The following SYNPR variants were observed in gnomAD, a reference collection of about 807,000 sequenced individuals.
SYNPR encodes the protein synaptoporin.
SYNPR carries 23 observed loss-of-function variants against 32.9 expected under a neutral mutation model. The ratio of observed to expected loss-of-function variants is 0.70; its 90% CI spans 0.50 to 0.99. The LOEUF is 0.99. Ranked by LOEUF, SYNPR falls within the 50% of genes least tolerant of loss-of-function variation. The pLI, the probability that SYNPR is intolerant of heterozygous loss-of-function variation, is 0.00. For missense variants in SYNPR, 318 were observed against 349.3 expected, an observed-to-expected ratio of 0.91 and a Z score of 0.71; for synonymous variants, 146 against 135.9, an observed-to-expected ratio of 1.07 and a Z score of -0.52.
In SYNPR at chr3:63,278,519, G is replaced by C. The variant is rs759656882; in HGVS notation, c.-15G>C. The C allele has an allele frequency of 1.2e-5, 19 of 1,547,662 alleles. No individual in the cohort carries two copies. The East Asian group carries it at 3.4e-4, about 28-fold the overall frequency. ...AAAAGAACTGGTGGATGAGAAGAGC[G>C]AGCGAGGGCGAGCTATGGACCCTGT... On this transcript the variant is annotated 5_prime_UTR_variant, in exon 1 of 6. Coordinates refer to ENST00000478300, the MANE Select transcript of SYNPR (RefSeq NM_001130003.2).
At chr3:63,522,474 A>G (rs1701935203) in intron 3 of SYNPR, among the ~76,000 whole-genome samples, 1 of 152,252 alleles carries the variant, frequency 6.6e-6, no homozygotes, top group Admixed American at 6.5e-5. Context: ...AGCAAAGCCA[A>G]TGAAACTACA....
intron 1 of SYNPR, among the ~76,000 whole-genome samples, chr3:63,239,423 G>T (rs1296094575): frequency 6.7e-6 from 1 of 150,322 alleles, no homozygotes; most frequent in East Asian, 2.1e-4. Context: ...TCCTACCATT[G>T]CCCAGTGTGT....
chr3:63,441,735 TG>T, intron 2 of SYNPR, among the ~76,000 whole-genome samples: 1 of 152,264 alleles, frequency 6.6e-6, no homozygotes, highest in South Asian at 2.1e-4. Flanking sequence ...AAAGGGGCCA[TG>T]GGGCATGTAC....
intron 2 of SYNPR, among the ~76,000 whole-genome samples, chr3:63,301,207 C>T (rs1313549202): frequency 1.3e-5 from 2 of 152,056 alleles, no homozygotes; most frequent in South Asian, 2.1e-4. Context: ...GTAGTATTAC[C>T]GTTATAAGTT....
At chr3:63,372,005 C>T (rs980377239) in intron 2 of SYNPR, among the ~76,000 whole-genome samples, 2 of 152,224 alleles carry the variant, frequency 1.3e-5, no homozygotes, top group Admixed American at 1.3e-4. Flanking sequence ...CACTCTTCAC[C>T]AGACTGAGCC....
intron 3 of SYNPR, among the ~76,000 whole-genome samples, chr3:63,533,474 T>C (rs1053793044): frequency 6.6e-6 from 1 of 152,142 alleles, no homozygotes; most frequent in Non-Finnish European, 1.5e-5. Flanking sequence ...TTCTGAGAAT[T>C]ATCAGGGATA....
intron 3 of SYNPR, among the ~76,000 whole-genome samples, chr3:63,513,259 C>T (rs1246352094): frequency 6.6e-6 from 1 of 150,460 alleles, no homozygotes; most frequent in Non-Finnish European, 1.5e-5. Flanking sequence ...CTGTGTTGCC[C>T]AGGCTGGTCT....
At chr3:63,568,841 AT>A (rs1445189368) in intron 4 of SYNPR, among the ~76,000 whole-genome samples, 1 of 152,176 alleles carries the variant, frequency 6.6e-6, no homozygotes, top group East Asian at 1.9e-4. Flanking sequence ...GAATTTCCTC[AT>A]GTGATTGCTG....
intron 1 of SYNPR, among the ~76,000 whole-genome samples, chr3:63,239,940 G>C (rs955416652): frequency 6.6e-6 from 1 of 152,062 alleles, no homozygotes; most frequent in African/African-American, 2.4e-5. Flanking sequence ...AGATTTATAA[G>C]ATGGAAATAG....
intron 2 of SYNPR, among the ~76,000 whole-genome samples, chr3:63,471,333 T>C (rs1253621286): frequency 1.3e-5 from 2 of 152,180 alleles, no homozygotes; most frequent in Admixed American, 6.5e-5. Context: ...TTGCATGTCT[T>C]CCAGGGACAA....
chr3:63,533,295 TAATC>T (rs1342269624), intron 3 of SYNPR, among the ~76,000 whole-genome samples: 2 of 151,914 alleles, frequency 1.3e-5, no homozygotes, highest in African/African-American at 4.9e-5. Context: ...CACAAGGTCT[TAATC>T]AAATCCCTTG....
At chr3:63,456,749 T>C (rs1700490395) in intron 2 of SYNPR, among the ~76,000 whole-genome samples, 1 of 152,058 alleles carries the variant, frequency 6.6e-6, no homozygotes, top group Admixed American at 6.6e-5. Flanking sequence ...CACGCCTCTT[T>C]CCCTGAGGTC....
chr3:63,487,226 G>A (rs1701172837), intron 3 of SYNPR, among the ~76,000 whole-genome samples: 1 of 152,136 alleles, frequency 6.6e-6, no homozygotes, highest in African/African-American at 2.4e-5. Flanking sequence ...CTGAAGCAAT[G>A]TAGTGTAGCT....
intron 2 of SYNPR, among the ~76,000 whole-genome samples, chr3:63,286,546 G>C (rs2086684699): frequency 8.5e-6 from 1 of 117,518 alleles, no homozygotes; most frequent in African/African-American, 3.3e-5. Context: ...TTAGTTCTTT[G>C]TTCTGCAGAC....
chr3:63,221,341 G>A, the SYNPR span, among the ~76,000 whole-genome samples: 1 of 152,026 alleles, frequency 6.6e-6, no homozygotes, highest in Non-Finnish European at 1.5e-5. Flanking sequence ...GGGGCTCTAG[G>A]GTTGAGCATT....
At chr3:63,537,558 G>C (rs539197663) in intron 3 of SYNPR, among the ~76,000 whole-genome samples, 2 of 152,244 alleles carry the variant, frequency 1.3e-5, no homozygotes, top group South Asian at 4.1e-4. Flanking sequence ...GTCTGGCACA[G>C]TGCCTGGCAC....
At chr3:63,591,799 A>T (rs1699831973) in intron 4 of SYNPR, among the ~76,000 whole-genome samples, 2 of 87,120 alleles carry the variant, frequency 2.3e-5, no homozygotes, top group Non-Finnish European at 4.2e-5. Context: ...CACTCTGGGG[A>T]CTGTGGTGGG....
chr3:63,260,858 C>T (rs1460811066), intron 2 of SYNPR, among the ~76,000 whole-genome samples: 1 of 147,690 alleles, frequency 6.8e-6, no homozygotes, highest in East Asian at 1.9e-4. Context: ...CTACAATGAA[C>T]TCAAACAAAT....
intron 3 of SYNPR, among the ~76,000 whole-genome samples, chr3:63,493,504 G>A (rs1023825326): frequency 5.9e-5 from 9 of 151,972 alleles, no homozygotes; most frequent in Admixed American, 2.0e-4. Flanking sequence ...ATGGTAACGT[G>A]TAGAAAGCTC....
Sources: gnomAD v4.1 joint callset for allele counts (sites outside exome capture counted in the v4.1 genomes callset) on GRCh38, gnomAD v4.1.1 for gene constraint, MANE v1.5 for transcripts, NCBI Gene and HGNC (gene_info 2026-07-23, HGNC 2026-07-21) for gene names.